The following CTBP2 variants were observed in gnomAD, a reference collection of about 807,000 sequenced individuals.
CTBP2 encodes the protein C-terminal binding protein 2.
In CTBP2, 30 loss-of-function variants were observed where a neutral mutation model predicts 80.3. The observed-to-expected ratio is 0.37, with a 90% CI of 0.28 to 0.51. CTBP2 has a LOEUF of 0.51. CTBP2 is among the 20% of genes least tolerant of loss of function. The pLI is 0.93. For missense variants in CTBP2, 1,212 were observed against 1,375.3 expected (o/e 0.88, Z 1.88); for synonymous variants, 594 against 587.4 (o/e 1.01, Z -0.16).
chr10:124,990,081 G>A (rs7084406), intron 8 of CTBP2, among the ~76,000 whole-genome samples: 8,441 of 147,110 alleles, frequency 0.057, 777 homozygotes, highest in African/African-American at 0.2. Flanking sequence ...TCACTCTGTC[G>A]CCAGTCTGGA....
At chr10:125,007,417 T>G (rs953056689) in intron 1 of CTBP2, among the ~76,000 whole-genome samples, 2 of 152,236 alleles carry the variant, frequency 1.3e-5, no homozygotes, top group Non-Finnish European at 2.9e-5. Context: ...AGATGCTCAG[T>G]CAAAAACAAA....
intron 2 of CTBP2, among the ~76,000 whole-genome samples, chr10:125,077,503 A>C (rs916266670): frequency 6.6e-6 from 1 of 152,170 alleles, no homozygotes; most frequent in Non-Finnish European, 1.5e-5. Flanking sequence ...GCTCGCAGAA[A>C]GGGCTCACTC....
chr10:125,050,721 C>T (rs903982364), intron 2 of CTBP2, among the ~76,000 whole-genome samples: 2 of 152,220 alleles, frequency 1.3e-5, no homozygotes, highest in African/African-American at 4.8e-5. Context: ...GGCTTCCAGT[C>T]CCGGTCTCCA....
chr10:125,058,547 T>G (rs944107839), intron 2 of CTBP2, among the ~76,000 whole-genome samples: 1 of 152,120 alleles, frequency 6.6e-6, no homozygotes, highest in Non-Finnish European at 1.5e-5. Context: ...ATCCCAGCAC[T>G]TTGGGAGGCT....
At chr10:124,997,494 A>C in intron 4 of CTBP2, 1 of 167,516 alleles carries the variant, frequency 6.0e-6, no homozygotes, top group Non-Finnish European at 1.3e-5. Flanking sequence ...TTCCAAGCTG[A>C]TGGCCTGACT....
chr10:124,998,322 C>T (rs1334763330), intron 3 of CTBP2, 152 bp from the exon 6 acceptor site: 18 of 788,552 alleles, frequency 2.3e-5, no homozygotes, highest in East Asian at 2.7e-5. Flanking sequence ...GGCACGTGGG[C>T]GGTAGGCCCT....
intron 1 of CTBP2, among the ~76,000 whole-genome samples, chr10:125,133,786 T>A (rs1856546774): frequency 6.6e-6 from 1 of 152,302 alleles, no homozygotes; most frequent in Admixed American, 6.5e-5. Context: ...ACAAAGAGTC[T>A]CAAAGCCTAA....
At chr10:125,038,730 A>G (rs1457603981) in intron 3 of CTBP2, among the ~76,000 whole-genome samples, 2 of 152,242 alleles carry the variant, frequency 1.3e-5, no homozygotes, top group Non-Finnish European at 2.9e-5. Context: ...AACCTTAGGT[A>G]CATGGAAGAC....
At chr10:125,107,604 C>CT (rs1215098480) in intron 2 of CTBP2, among the ~76,000 whole-genome samples, 1 of 152,202 alleles carries the variant, frequency 6.6e-6, no homozygotes, top group Non-Finnish European at 1.5e-5. Flanking sequence ...GGAAGATGAC[C>CT]TCAACTAGGT....
chr10:124,995,338 TGAG>T (rs1354079565), intron 4 of CTBP2, among the ~76,000 whole-genome samples: 9 of 152,214 alleles, frequency 5.9e-5, no homozygotes, highest in African/African-American at 2.2e-4. Context: ...TGTCACAGGA[TGAG>T]GAGGTGTCTC....
intron 4 of CTBP2, chr10:124,997,190 T>C (rs568641080): frequency 6.6e-6 from 1 of 152,384 alleles, no homozygotes; most frequent in African/African-American, 2.4e-5. Context: ...AGATACCACG[T>C]ATCCCACCAA....
intron 2 of CTBP2, among the ~76,000 whole-genome samples, chr10:125,102,272 C>G (rs955294689): frequency 7.9e-5 from 12 of 152,224 alleles, no homozygotes; most frequent in Admixed American, 6.5e-4. Flanking sequence ...CCTGCCATCA[C>G]CAAGGCCAGG....
At chr10:124,999,284 T>C (rs927502458) in intron 3 of CTBP2, 1 of 152,058 alleles carries the variant, frequency 6.6e-6, no homozygotes, top group Non-Finnish European at 1.5e-5. Flanking sequence ...CTTAGGAGAG[T>C]GTCTCTCCCA....
At chr10:125,159,901 C>G (rs1391740178) in intron 1 of CTBP2, 1 of 153,788 alleles carries the variant, frequency 6.5e-6, no homozygotes, top group Non-Finnish European at 1.4e-5. Flanking sequence ...GAACCGTCGC[C>G]GAGACGCCGC....
chr10:125,137,416 C>T (rs1490108329), intron 1 of CTBP2, among the ~76,000 whole-genome samples: 1 of 152,180 alleles, frequency 6.6e-6, no homozygotes, highest in Non-Finnish European at 1.5e-5. Flanking sequence ...CTTGTCAACC[C>T]CACCAAGGCT....
intron 4 of CTBP2, among the ~76,000 whole-genome samples, 190 bp from the exon 7 acceptor site, chr10:124,994,873 A>G (rs72828978): frequency 0.096 from 14,607 of 152,320 alleles, 903 homozygotes; most frequent in Admixed American, 0.18. Context: ...TGGCCGGTGT[A>G]GGACAGGTGA....
chr10:125,058,298 C>A (rs573951350), intron 2 of CTBP2, among the ~76,000 whole-genome samples: 1 of 152,220 alleles, frequency 6.6e-6, no homozygotes, highest in South Asian at 2.1e-4. Flanking sequence ...AAGTTCTTCA[C>A]GTGATACGAT....
intron 1 of CTBP2, among the ~76,000 whole-genome samples, chr10:125,141,391 C>CCCTCGGGGCCGGCACCAG (rs1475161303): frequency 1.7e-4 from 26 of 152,136 alleles, no homozygotes; most frequent in South Asian, 1.7e-3. Context: ...TGGCCATCTA[C>CCCTCGGGGCCGGCACCAG]CCTCGGGGCC....
intron 8 of CTBP2, 137 bp downstream of exon 10, chr10:124,992,557 TC>T (rs1952822800): frequency 3.3e-6 from 2 of 610,096 alleles, no homozygotes; most frequent in Non-Finnish European, 5.9e-6. Context: ...TGTACACAGT[TC>T]CTGCTGAGAA....
Sources: allele counts gnomAD v4.1 joint callset (sites outside exome capture counted in the v4.1 genomes callset), GRCh38; gene constraint gnomAD v4.1.1; transcripts MANE v1.5; gene names NCBI Gene and HGNC (gene_info 2026-07-23, HGNC 2026-07-21).